ZNF318: variants seen among roughly 807,000 people sequenced by gnomAD.
The protein encoded by ZNF318 is zinc finger protein 318, also known as endocrine regulator.
In ZNF318, 51 loss-of-function variants were observed where a neutral mutation model predicts 124.2. The ratio of observed to expected loss-of-function variants is 0.41; its 90% CI spans 0.33 to 0.52. The LOEUF (loss-of-function observed/expected upper bound fraction) is 0.52, where lower values mean the gene tolerates loss of function less well. Ranked by LOEUF, ZNF318 falls within the 20% of genes least tolerant of loss-of-function variation. The pLI, the probability that ZNF318 is intolerant of heterozygous loss-of-function variation, is 0.23. For synonymous variants in ZNF318, 1,090 were observed against 1,040.7 expected (o/e 1.05, Z -0.91); for missense variants, 2,815 against 2,811.2 (o/e 1.00, Z -0.03).
chr6:43,339,367 C>T lies in ZNF318; in HGVS notation c.4631G>A (p.Ser1544Asn), dbSNP rs756285241. 1.9e-6 allele frequency: 3 copies of T among 1,614,122 alleles called. No individual in the cohort carries two copies. The East Asian group carries it at 6.7e-5, about 36-fold the overall frequency. ...TTTTTTGGCTTGTTCACTGAACACA[C>T]TTGAGAGGGGTGGTGGAGGACGTAC... ...VLVRPPPPLS[S>N]VFSEQAKKLE... The change falls in exon 10 of 10, where the codon AGT becomes AAT. Residue 1544 changes from serine to asparagine, a missense_variant. Ser to Asn is a conservative substitution (Grantham distance 46). Around this residue, in one of 4 missense-constraint regions of ZNF318, gnomAD observed 500 missense variants for 605.2 expected, o/e 0.83. Transcript: ENST00000361428. The surrounding 1 kb of genome is among the most constrained non-coding windows in gnomAD (Gnocchi z 4.2).
intron 2 of ZNF318, chr6:43,363,472 G>C (rs1416971615): frequency 2.0e-5 from 4 of 196,912 alleles, no homozygotes; most frequent in Non-Finnish European, 4.1e-5. Context: ...GGTGGGGCGG[G>C]GGCAGAGGCC....
At chr6:43,346,524 C>CAAAAAA (rs59587962) in intron 6 of ZNF318, among the ~76,000 whole-genome samples, 5 of 104,570 alleles carry the variant, frequency 4.8e-5, no homozygotes, top group Admixed American at 1.1e-4. Flanking sequence ...CATCTTTAAC[C>CAAAAAA]AAAAAAAAAA....
intron 6 of ZNF318, among the ~76,000 whole-genome samples, chr6:43,343,827 C>CAAAAAAAAAAAAAAAAAAAAAAAAAAAA (rs10560070): frequency 2.0e-5 from 2 of 101,920 alleles, no homozygotes; most frequent in African/African-American, 3.4e-5. Flanking sequence ...GACCCTGTCT[C>CAAAAAAAAAAAAAAAAAAAAAAAAAAAA]AAAAAAAAAA....
intron 2 of ZNF318, among the ~76,000 whole-genome samples, chr6:43,360,309 GA>G (rs1779663739): frequency 6.6e-6 from 1 of 152,190 alleles, no homozygotes; most frequent in Admixed American, 6.5e-5. Flanking sequence ...CATATAGGCA[GA>G]AATCAGGTTG....
rs752753386 is a variant in ZNF318 at position 43,338,597 on chromosome 6, T to C, written c.5401A>G (p.Ile1801Val). The part of the protein sequence containing the change: ...GIVDEGVSTS[I>V]GPHSIDDSNL... ...GAATCATCTATGCTGTGGGGTCCAATGCTGGTACTTACTCCCTCATCAACT... is the reference window on the plus strand; with the variant it reads ...GAATCATCTATGCTGTGGGGTCCAACGCTGGTACTTACTCCCTCATCAACT... The change falls in exon 10 of 10, where the codon ATT becomes GTT. Residue 1801 changes from isoleucine to valine, a missense_variant. Ile to Val is a conservative substitution (Grantham distance 29). Around this residue, in one of 4 missense-constraint regions of ZNF318, gnomAD observed 927 missense variants for 820.6 expected, o/e 1.13. Transcript: ENST00000361428. 2 of 1,614,172 alleles carry C rather than the reference T, an allele frequency of 1.2e-6. No individual in the cohort carries two copies. The highest frequency in any genetic ancestry group is 8.5e-7 in the Non-Finnish European group (1 of 1,180,022).
intron 2 of ZNF318, 61 bp from the exon 3 acceptor site, chr6:43,357,826 G>T (rs534265869): frequency 1.4e-6 from 2 of 1,450,958 alleles, no homozygotes; most frequent in Admixed American, 4.4e-5. Context: ...AGCAGACAAG[G>T]CTAAGAGACT....
At chr6:43,346,713 G>A (rs1779453232) in intron 6 of ZNF318, among the ~76,000 whole-genome samples, 1 of 152,064 alleles carries the variant, frequency 6.6e-6, no homozygotes, top group Non-Finnish European at 1.5e-5. Context: ...GGCTTTAATG[G>A]GTGAGTGGGG....
chr6:43,347,001 T>C lies in ZNF318; in HGVS notation c.3072+1323A>G, dbSNP rs1473510760. 4.6e-5 allele frequency among the ~76,000 whole-genome samples: 7 copies of C among 152,132 alleles called. 1 individual carries two copies. Among genetic ancestry groups the C allele is most frequent in the Non-Finnish European group, 1.0e-4 (7 of 68,028 alleles). ...ATTATAAAATCAGATCTGTCATAAA[T>C]GTTAAGAAGGAAAATTACAAGATAT... is the stretch of plus-strand genomic sequence containing the variant. On this transcript the variant is annotated intron_variant, in intron 6 of 9. Coordinates refer to ENST00000361428, the MANE Select transcript of ZNF318 (RefSeq NM_014345.3).
At position 43,352,176 on chromosome 6, in the gene ZNF318, AT is replaced by A. The variant is rs1332327469; in HGVS notation, c.2770+200del. Among the ~76,000 whole-genome samples, 162 of 56,932 alleles carry A rather than the reference AT, an allele frequency of 2.8e-3. 1 individual carries two copies. Among genetic ancestry groups the A allele is most frequent in the African/African-American group, 0.028 (137 of 4,954 alleles). The allele number at this position is 56,932 out of a possible 152,430, so 37.3% of individuals were successfully genotyped here. A position where few individuals can be genotyped will look rare whatever the true frequency, so the allele number is the denominator to read the frequency against. On this transcript the variant is annotated intron_variant, in intron 5 of 9. Transcript: ENST00000361428. ...CATCATCATCATCATCATCATCATC[AT>A]CATCATCACCACCACCATCATCTGG...
At position 43,355,080 on chromosome 6, in the gene ZNF318, G is replaced by A. The variant is rs1779584836; in HGVS notation, c.2254C>T (p.Leu752Phe). ...TGAGATAAAGCAGCAGTGTGTGGAAGTCTAATTGGGGCAGATGGGGCTGAT... is the reference window on the plus strand; with the variant it reads ...TGAGATAAAGCAGCAGTGTGTGGAAATCTAATTGGGGCAGATGGGGCTGAT... ...LPSAPSAPIR[L>F]PHTAALSQFH... is the part of the protein sequence containing the mutation. Residue 752 changes from leucine (L) to phenylalanine (F), a missense_variant, in exon 4 of 10, where the codon CTT becomes TTT. Physicochemically the swap from Leu to Phe is conservative, Grantham distance 22. This residue lies in a region of ZNF318 where 1,377 missense variants were observed against 1,353.5 expected (regional missense o/e 1.02). Transcript: ENST00000361428. 6.2e-7 allele frequency: 1 copy of A among 1,614,226 alleles called. No individual in the cohort carries two copies.
In ZNF318 at chr6:43,339,132, T is replaced by A. The variant is rs112316935; in HGVS notation, c.4866A>T (p.Ala1622=). Residue 1622 remains alanine, a synonymous_variant, in exon 10 of 10, where the codon GCA becomes GCT. Coordinates refer to ENST00000361428, the MANE Select transcript of ZNF318 (RefSeq NM_014345.3). The surrounding 1 kb of genome is among the most constrained non-coding windows in gnomAD (Gnocchi z 4.2). The stretch of plus-strand genomic sequence containing the variant: ...CATCTTGATGCAACTCCTCTTGGGA[T>A]GCACTGCTGTTCAAAGGAGAAGTAG... The part of the protein sequence containing the change: ...TSSTSPLNSS[A]SQEELHQDEG... 5.0e-6 allele frequency: 8 copies of A among 1,614,206 alleles called. No homozygotes were observed. In the East Asian group the frequency reaches 1.6e-4, roughly 31 times the overall value.
At position 43,354,788 on chromosome 6, in the gene ZNF318, T is replaced by A; in HGVS notation, c.2546A>T (p.Lys849Ile). ...AGGAATTGAGCCTCGCAGAGACTCT[T>A]TCTGCTTAGGCTTATCAGGAGTCAC... Reference protein sequence around the residue: ...PTVTPDKPKQKESLRGSIPAA... With the variant: ...PTVTPDKPKQIESLRGSIPAA... Residue 849 changes from lysine (K) to isoleucine (I), a missense_variant, in exon 4 of 10, where the codon AAA (lysine) becomes ATA (isoleucine). Lys to Ile is a moderately radical substitution (Grantham distance 102). Coordinates refer to ENST00000361428, the MANE Select transcript of ZNF318 (RefSeq NM_014345.3). 6.2e-7 allele frequency: 1 copy of A among 1,614,228 alleles called. No individual in the cohort carries two copies. Among genetic ancestry groups the A allele is most frequent in the Non-Finnish European group, 8.5e-7 (1 of 1,180,030 alleles).
At chr6:43,362,518 CTTTTTTTTTTTT>C in intron 2 of ZNF318, among the ~76,000 whole-genome samples, 1 of 80,924 alleles carries the variant, frequency 1.2e-5, no homozygotes, top group East Asian at 4.4e-4. Flanking sequence ...ACATACACGT[CTTTTTTTTTTTT>C]TTTTTTTTTT....
Position 43,348,568 on chromosome 6 carries a change from A to G in ZNF318, c.2828T>C (p.Val943Ala). Residue 943 changes from valine (V) to alanine (A), a missense_variant, in exon 6 of 10, where the codon GTG (valine) becomes GCG (alanine). By Grantham distance (64) the Val-to-Ala change is moderately conservative. Coordinates refer to ENST00000361428, the MANE Select transcript of ZNF318 (RefSeq NM_014345.3). Reference sequence around the variant, plus strand: ...GTTATCCTGAAGCCGACTCACCTCCACCAAGAGAGGATCTTTGTGGCCATC... The same window carrying G: ...GTTATCCTGAAGCCGACTCACCTCCGCCAAGAGAGGATCTTTGTGGCCATC... Reference protein sequence around the residue: ...EKDGHKDPLLVEVSRLQDNIM... With the variant: ...EKDGHKDPLLAEVSRLQDNIM... The G allele has an allele frequency of 6.2e-7, 1 of 1,614,050 alleles. No homozygotes were observed. Among genetic ancestry groups the G allele is most frequent in the Non-Finnish European group, 8.5e-7 (1 of 1,180,010 alleles).
chr6:43,343,962 A>G (rs1779406917), intron 6 of ZNF318, among the ~76,000 whole-genome samples: 1 of 152,170 alleles, frequency 6.6e-6, no homozygotes, highest in Non-Finnish European at 1.5e-5. Flanking sequence ...AAGCTGGAAC[A>G]AGGCACTCAG....
In ZNF318 at chr6:43,337,392, G is replaced by A; in HGVS notation, c.6606C>T (p.Ser2202=). 1.2e-6 allele frequency: 2 copies of A among 1,614,118 alleles called. No individual in the cohort carries two copies. The highest frequency in any genetic ancestry group is 2.2e-5 in the East Asian group (1 of 44,890). ...SEPGDPSKCS[S]LELGPLQLEI... is the part of the protein sequence containing the mutation. ...CTAGCTGTAATGGCCCCAACTCCAG[G>A]GAACTACATTTAGAAGGGTCACCTG... The change falls in exon 10 of 10, where the codon TCC becomes TCT. Residue 2202 remains serine, a synonymous_variant. Coordinates refer to ENST00000361428, the MANE Select transcript of ZNF318 (RefSeq NM_014345.3).
At position 43,337,043 on chromosome 6, in the gene ZNF318, G is replaced by C; in HGVS notation, c.*115C>G. ...CCATGAACATTTACTTTAAGATGCTGACTGCATCTCTTGGTGTAGGTTCCA... is the reference window on the plus strand; with the variant it reads ...CCATGAACATTTACTTTAAGATGCTCACTGCATCTCTTGGTGTAGGTTCCA... On this transcript the variant is annotated 3_prime_UTR_variant, in exon 10 of 10. Transcript: ENST00000361428. The C allele has an allele frequency of 1.0e-6, 1 of 984,876 alleles. No individual in the cohort carries two copies. The allele number at this position is 984,876 out of a possible 1,614,324, so 61.0% of individuals were successfully genotyped here.
chr6:43,367,145 C>T (rs78440452), intron 1 of ZNF318, among the ~76,000 whole-genome samples: 4,463 of 152,286 alleles, frequency 0.029, 204 homozygotes, highest in African/African-American at 0.1. Context: ...CCACCGCGCC[C>T]GGCCCTATTT....
chr6:43,352,427 T>C lies in ZNF318; in HGVS notation c.2720A>G (p.Lys907Arg). The C allele has an allele frequency of 2.5e-6, 4 of 1,614,174 alleles. No individual in the cohort carries two copies. Among genetic ancestry groups the C allele is most frequent in the Non-Finnish European group, 3.4e-6 (4 of 1,180,016 alleles). The change falls in exon 5 of 10, where the codon AAG becomes AGG. Residue 907 changes from lysine to arginine, a missense_variant. Lys to Arg is a conservative substitution (Grantham distance 26, BLOSUM62 2). Around this residue, in one of 4 missense-constraint regions of ZNF318, gnomAD observed 1,377 missense variants for 1,353.5 expected, o/e 1.02. Coordinates refer to ENST00000361428, the MANE Select transcript of ZNF318 (RefSeq NM_014345.3). ...KLKNDREARQ[K>R]KMYYLRTELE... ...CTCGGTCCTAAGATAGTACATCTTC[T>C]TCTGGCGGGCTTCCCGGTCATTCTT...
Sources: gnomAD v4.1 joint callset for allele counts (sites outside exome capture counted in the v4.1 genomes callset) on GRCh38, gnomAD v4.1.1 for gene constraint, gnomAD v4.1.1 regional missense constraint, Gnocchi (gnomAD v3.1) non-coding constraint, MANE v1.5 for transcripts, NCBI Gene and HGNC (gene_info 2026-07-23, HGNC 2026-07-21) for gene names.